The following CRISPLD2 variants were observed in gnomAD, a reference collection of about 807,000 sequenced individuals.
The protein encoded by CRISPLD2 is cysteine rich secretory protein LCCL domain containing 2.
A neutral mutation model predicts 71.1 loss-of-function variants in CRISPLD2; 47 were observed. That is an observed-to-expected ratio of 0.66 (90% CI 0.52 to 0.84). The LOEUF is 0.84. Among genes scored for constraint, CRISPLD2 ranks in the 40% least tolerant of loss-of-function variants. CRISPLD2 has a pLI of 0.00. For missense variants in CRISPLD2, 830 were observed against 651.1 expected (o/e 1.27, Z -2.99); for synonymous variants, 317 against 250.1 (o/e 1.27, Z -2.52).
At chr16:84,851,562 A>G (rs901595413) in intron 5 of CRISPLD2, among the ~76,000 whole-genome samples, 1 of 152,166 alleles carries the variant, frequency 6.6e-6, no homozygotes, top group Non-Finnish European at 1.5e-5. Context: ...GGAATCGCTG[A>G]GGTTGGGAGG....
intron 9 of CRISPLD2, 123 bp from the exon 10 acceptor site, chr16:84,872,869 A>C: frequency 8.1e-7 from 1 of 1,233,442 alleles, no homozygotes; most frequent in Admixed American, 2.4e-5. Context: ...GCAGGAGCAG[A>C]GTGAGCTTTG....
chr16:84,830,409 C>T (rs1182153358), intron 1 of CRISPLD2, among the ~76,000 whole-genome samples: 2 of 152,090 alleles, frequency 1.3e-5, no homozygotes, highest in East Asian at 1.9e-4. Context: ...TAAAAACTTA[C>T]AGTTAAGTTA....
chr16:84,848,687 C>T (rs1438456709), intron 3 of CRISPLD2, among the ~76,000 whole-genome samples: 2 of 152,168 alleles, frequency 1.3e-5, no homozygotes, highest in Admixed American at 6.5e-5. Flanking sequence ...GTGATCCTAC[C>T]GCCTCAGCCT....
chr16:84,826,429 C>T (rs183281435), intron 1 of CRISPLD2, among the ~76,000 whole-genome samples: 37 of 152,364 alleles, frequency 2.4e-4, no homozygotes, highest in Non-Finnish European at 4.4e-4. Flanking sequence ...GAGCACGTTT[C>T]ATGCCCCTAT....
chr16:84,843,836 T>C (rs114568801), intron 2 of CRISPLD2, among the ~76,000 whole-genome samples: 16 of 152,306 alleles, frequency 1.1e-4, no homozygotes, highest in African/African-American at 3.8e-4. Context: ...TTGTGTGACC[T>C]CAGGCATGCT....
At chr16:84,861,737 A>T (rs576298362) in intron 6 of CRISPLD2, among the ~76,000 whole-genome samples, 3 of 152,234 alleles carry the variant, frequency 2.0e-5, no homozygotes, top group Non-Finnish European at 4.4e-5. Context: ...CAGCCTGGAC[A>T]ACATAGCGAG....
chr16:84,836,757 A>G (rs1434123037), intron 1 of CRISPLD2, among the ~76,000 whole-genome samples: 2 of 151,760 alleles, frequency 1.3e-5, no homozygotes, highest in Non-Finnish European at 1.5e-5. Context: ...CCCACCTTGC[A>G]CTGCCACTGT....
intron 1 of CRISPLD2, among the ~76,000 whole-genome samples, chr16:84,827,630 G>A (rs11648054): frequency 0.28 from 41,981 of 148,832 alleles, 7,156 homozygotes; most frequent in South Asian, 0.39. Context: ...GCAGTGGTGC[G>A]ATCTCAGCTC....
intron 6 of CRISPLD2, 122 bp downstream of exon 6, chr16:84,854,951 G>A (rs750359686): frequency 6.4e-5 from 48 of 753,244 alleles, no homozygotes; most frequent in Non-Finnish European, 6.1e-5. Flanking sequence ...TATTTAAGAC[G>A]CTCTCAGCAC....
chr16:84,902,173 A>T (rs1030004881), intron 14 of CRISPLD2, among the ~76,000 whole-genome samples: 2 of 152,122 alleles, frequency 1.3e-5, no homozygotes, highest in Non-Finnish European at 2.9e-5. Context: ...ATTCCAACAA[A>T]TGCGAGTTTG....
intron 14 of CRISPLD2, among the ~76,000 whole-genome samples, chr16:84,905,480 C>G (rs1330504347): frequency 6.7e-6 from 1 of 150,022 alleles, no homozygotes; most frequent in African/African-American, 2.5e-5. Flanking sequence ...GCTCACTGCA[C>G]ACTCCACCTC....
intron 1 of CRISPLD2, among the ~76,000 whole-genome samples, chr16:84,828,011 C>T (rs999871926): frequency 7.2e-5 from 11 of 152,150 alleles, no homozygotes; most frequent in South Asian, 2.1e-4. Flanking sequence ...GTCCGCTGCC[C>T]GTTTGTTTAC....
chr16:84,894,268 TG>T (rs1289351921), intron 14 of CRISPLD2, among the ~76,000 whole-genome samples: 2 of 152,172 alleles, frequency 1.3e-5, no homozygotes, highest in African/African-American at 4.8e-5. Context: ...TGAATATTCT[TG>T]GGGAAATGCC....
intron 6 of CRISPLD2, among the ~76,000 whole-genome samples, chr16:84,864,400 C>A (rs542911132): frequency 6.6e-6 from 1 of 152,148 alleles, no homozygotes; most frequent in African/African-American, 2.4e-5. Context: ...AATAAAGCTG[C>A]GATTATGAGG....
At position 84,862,752 on chromosome 16, in the gene CRISPLD2, G is replaced by T. The variant is rs993578314; in HGVS notation, c.710-4145G>T. 2.0e-5 allele frequency among the ~76,000 whole-genome samples: 3 copies of T among 150,542 alleles called. No homozygotes were observed. The Admixed American group carries it at 2.0e-4, about 10-fold the overall frequency. On this transcript the variant is annotated intron_variant, in intron 6 of 14. Coordinates refer to ENST00000262424, the MANE Select transcript of CRISPLD2 (RefSeq NM_031476.4). ...GAGGGGCCTTGCAGAGACTTGGGTG[G>T]GCTCCGCTGGCAGGGAAGGGTGGGG...
At chr16:84,854,569 G>A (rs1214242431) in intron 5 of CRISPLD2, among the ~76,000 whole-genome samples, 160 bp from the exon 6 acceptor site, 1 of 152,110 alleles carries the variant, frequency 6.6e-6, no homozygotes, top group Non-Finnish European at 1.5e-5. Context: ...CACGGGAGAG[G>A]CCTGGGATAG....
intron 1 of CRISPLD2, among the ~76,000 whole-genome samples, chr16:84,833,418 G>A (rs1421321670): frequency 6.6e-6 from 1 of 152,202 alleles, no homozygotes; most frequent in East Asian, 1.9e-4. Context: ...CTGCTGTGTT[G>A]TCCCGCGGTC....
At chr16:84,878,965 G>A (rs971413616) in intron 12 of CRISPLD2, among the ~76,000 whole-genome samples, 6 of 152,212 alleles carry the variant, frequency 3.9e-5, no homozygotes, top group African/African-American at 1.4e-4. Context: ...GCTGGGTGGT[G>A]TGGCCCTCAT....
intron 1 of CRISPLD2, among the ~76,000 whole-genome samples, chr16:84,837,410 G>T (rs1916647540): frequency 6.9e-6 from 1 of 144,840 alleles, no homozygotes; most frequent in Non-Finnish European, 1.5e-5. Flanking sequence ...CTAAGCCATA[G>T]CTTGCTTTTT....
Sources: gnomAD v4.1 joint callset for allele counts (sites outside exome capture counted in the v4.1 genomes callset) on GRCh38, gnomAD v4.1.1 for gene constraint, MANE v1.5 for transcripts, NCBI Gene and HGNC (gene_info 2026-07-23, HGNC 2026-07-21) for gene names.